The following SRFBP1 variants were observed in gnomAD, a reference collection of about 807,000 sequenced individuals.
The protein encoded by SRFBP1 is serum response factor binding protein 1.
A neutral mutation model predicts 45.5 loss-of-function variants in SRFBP1; 47 were observed. That is an observed-to-expected ratio of 1.03 (90% CI 0.82 to 1.32). The LOEUF (loss-of-function observed/expected upper bound fraction) is 1.32, where lower values mean the gene tolerates loss of function less well. SRFBP1 is among the 40% of genes most tolerant of loss of function. SRFBP1 has a pLI of 0.00. For synonymous variants in SRFBP1, 203 were observed against 166.3 expected, an observed-to-expected ratio of 1.22 and a Z score of -1.70; for missense variants, 621 against 484.6, an observed-to-expected ratio of 1.28 and a Z score of -2.64.
intron 4 of SRFBP1, among the ~76,000 whole-genome samples, chr5:122,005,042 G>A (rs1752948221): frequency 6.6e-6 from 1 of 152,102 alleles, no homozygotes; most frequent in Admixed American, 6.5e-5. Flanking sequence ...TCTTAAATGT[G>A]TTAGGCCTAA....
chr5:121,976,896 C>G (rs1752313319), intron 3 of SRFBP1, among the ~76,000 whole-genome samples: 1 of 151,264 alleles, frequency 6.6e-6, no homozygotes, highest in Non-Finnish European at 1.5e-5. Context: ...TACATACACA[C>G]ACACTACATT....
At chr5:122,018,768 G>A (rs1416543293) in intron 4 of SRFBP1, among the ~76,000 whole-genome samples, 3 of 152,098 alleles carry the variant, frequency 2.0e-5, no homozygotes, top group African/African-American at 4.8e-5. Flanking sequence ...CCCTGAGAAC[G>A]TGTCAGTGAT....
intron 3 of SRFBP1, among the ~76,000 whole-genome samples, chr5:121,977,586 A>T (rs555245709): frequency 5.3e-5 from 8 of 152,254 alleles, no homozygotes; most frequent in African/African-American, 1.9e-4. Context: ...GTATCAAATA[A>T]ATGATGACAA....
rs779159018 is a variant in SRFBP1 at position 122,070,118 on chromosome 5, A to G, written n.312-5197A>G. ...TGTAGCGAATGTCACAGCGCACAAC[A>G]TTGTTGGTATAGTCAGATTCAGGAA... On this transcript the variant is annotated intron_variant and non_coding_transcript_variant, in intron 2 of 2. Coordinates refer to the SRFBP1 transcript ENST00000504881. 1.1e-5 allele frequency: 17 copies of G among 1,613,236 alleles called. No homozygotes were observed. In the South Asian group the frequency reaches 1.9e-4, roughly 18 times the overall value.
At chr5:122,069,853 A>C (rs1355293373) in intron 2 of SRFBP1, 2 of 577,342 alleles carry the variant, frequency 3.5e-6, no homozygotes, top group East Asian at 7.3e-5. Context: ...CTTCTCCTGA[A>C]AACTAAAAAC....
In SRFBP1 at chr5:121,962,192, G is replaced by A; in HGVS notation, c.36+124G>A. 6.5e-6 allele frequency: 8 copies of A among 1,221,390 alleles called. No individual in the cohort carries two copies. The South Asian group carries it at 1.0e-4, about 16-fold the overall frequency. The allele number at this position is 1,221,390 out of a possible 1,614,324, so 75.7% of individuals were successfully genotyped here. The stretch of plus-strand genomic sequence containing the variant: ...GGAACTTTCGTGGTGGGCCCAGGCG[G>A]GTTTCCCGCAACTTGGAGTTTGGCA... On this transcript the variant is annotated intron_variant, in intron 1 of 7. Coordinates refer to ENST00000339397, the MANE Select transcript of SRFBP1 (RefSeq NM_152546.3).
chr5:122,064,638 T>C (rs1279391586), intron 2 of SRFBP1: 1 of 152,018 alleles, frequency 6.6e-6, no homozygotes, highest in African/African-American at 2.4e-5. Flanking sequence ...AGACATGTAA[T>C]TTTATTCCCT....
chr5:121,972,562 G>GT (rs939972521), intron 1 of SRFBP1, among the ~76,000 whole-genome samples: 2 of 151,892 alleles, frequency 1.3e-5, no homozygotes, highest in Non-Finnish European at 1.5e-5. Context: ...AACTCAGAGT[G>GT]TTTTTTTCAT....
At chr5:122,032,048 G>A (rs1753596736), downstream of SRFBP1, among the ~76,000 whole-genome samples, 1 of 152,194 alleles carries the variant, frequency 6.6e-6, no homozygotes. Flanking sequence ...GAATTGGATA[G>A]CGCTGATTAT....
intron 3 of SRFBP1, among the ~76,000 whole-genome samples, chr5:121,980,569 A>G (rs1172081246): frequency 1.3e-5 from 2 of 152,134 alleles, no homozygotes; most frequent in Admixed American, 1.3e-4. Flanking sequence ...TTTGAACACC[A>G]TCAAGGATAG....
chr5:122,008,617 A>G (rs148351586), intron 4 of SRFBP1, among the ~76,000 whole-genome samples: 1 of 152,068 alleles, frequency 6.6e-6, no homozygotes, highest in East Asian at 1.9e-4. Context: ...TGCTATACCT[A>G]GGTGCTGTAA....
chr5:122,061,037 A>T (rs568995095), intron 2 of SRFBP1, among the ~76,000 whole-genome samples: 1 of 152,108 alleles, frequency 6.6e-6, no homozygotes, highest in Non-Finnish European at 1.5e-5. Flanking sequence ...ATTCTAAAAA[A>T]TAATGTCAAA....
chr5:121,999,947 G>A (rs1405622476), intron 4 of SRFBP1, among the ~76,000 whole-genome samples: 1 of 151,938 alleles, frequency 6.6e-6, no homozygotes, highest in Non-Finnish European at 1.5e-5. Context: ...TGTGATTATT[G>A]ATGTGGTTGA....
intron 7 of SRFBP1, among the ~76,000 whole-genome samples, chr5:122,024,932 G>GTT (rs1753446399): frequency 6.6e-6 from 1 of 151,824 alleles, no homozygotes; most frequent in African/African-American, 2.4e-5. Flanking sequence ...TATGAAACAG[G>GTT]TTTTTGTTTT....
chr5:121,989,273 G>A (rs1752578274), intron 3 of SRFBP1, among the ~76,000 whole-genome samples: 2 of 151,948 alleles, frequency 1.3e-5, no homozygotes, highest in Non-Finnish European at 1.5e-5. Context: ...TCACCATGTT[G>A]TCCAGGATGG....
chr5:122,036,776 C>G (rs953186145), intron 2 of SRFBP1, among the ~76,000 whole-genome samples: 3 of 152,124 alleles, frequency 2.0e-5, no homozygotes, highest in African/African-American at 7.2e-5. Context: ...GCCCCTGCCC[C>G]TGTTTTGTCC....
chr5:121,970,593 T>C (rs1484000316), intron 1 of SRFBP1, among the ~76,000 whole-genome samples: 5 of 152,048 alleles, frequency 3.3e-5, no homozygotes, highest in African/African-American at 1.2e-4. Context: ...ATGCAAAGTA[T>C]GATTTTTTTT....
rs150923719 is a variant in SRFBP1 at position 122,014,528 on chromosome 5, A to G, written c.271-4732A>G. On this transcript the variant is annotated intron_variant, in intron 4 of 7. Coordinates refer to ENST00000339397, the MANE Select transcript of SRFBP1 (RefSeq NM_152546.3). ...AAATAAGTGCTCCACAAAGATTGCA[A>G]CATAAAAACACAGTTATAGAAGAAG... 3.9e-5 allele frequency among the ~76,000 whole-genome samples: 6 copies of G among 152,240 alleles called. No homozygotes were observed. In the East Asian group the frequency reaches 1.2e-3, roughly 29 times the overall value.
At chr5:122,037,677 C>CTT (rs369460259) in intron 2 of SRFBP1, among the ~76,000 whole-genome samples, 15 of 145,888 alleles carry the variant, frequency 1.0e-4, no homozygotes, top group Non-Finnish European at 1.4e-4. Flanking sequence ...ATTTTGTATT[C>CTT]TTTTTTTTTT....
Sources: allele counts gnomAD v4.1 joint callset (sites outside exome capture counted in the v4.1 genomes callset), GRCh38; gene constraint gnomAD v4.1.1; transcripts MANE v1.5; gene names NCBI Gene and HGNC (gene_info 2026-07-23, HGNC 2026-07-21).